The following ZNRF1 variants were observed in gnomAD, a reference collection of about 807,000 sequenced individuals.
ZNRF1 encodes the protein E3 ubiquitin-protein ligase ZNRF1.
ZNRF1 carries 3 observed loss-of-function variants against 18.4 expected under a neutral mutation model. The ratio of observed to expected loss-of-function variants is 0.16; its 90% CI spans 0.07 to 0.42. The LOEUF (loss-of-function observed/expected upper bound fraction) is 0.42, where lower values mean the gene tolerates loss of function less well. Ranked by LOEUF, ZNRF1 falls within the 10% of genes least tolerant of loss-of-function variation. The pLI, the probability that ZNRF1 is intolerant of heterozygous loss-of-function variation, is 0.99. For missense variants in ZNRF1, 310 were observed against 329.8 expected (o/e 0.94, Z 0.47); for synonymous variants, 157 against 144.2 (o/e 1.09, Z -0.64).
At chr16:75,090,070 C>T (rs2036117872) in intron 1 of ZNRF1, among the ~76,000 whole-genome samples, 1 of 152,222 alleles carries the variant, frequency 6.6e-6, no homozygotes, top group South Asian at 2.1e-4. Context: ...CCTCAGCCTG[C>T]AGGCAGGTGC....
Position 74,999,099 on chromosome 16 carries a change from G to C in ZNRF1, c.-573G>C, listed in dbSNP as rs545098079. On this transcript the variant is annotated 5_prime_UTR_variant, in exon 1 of 5. Coordinates refer to ENST00000335325, the MANE Select transcript of ZNRF1 (RefSeq NM_032268.5). ...CGGGGCGGCGCGGCTGGCGGGGCCG[G>C]CGGCGGCTGAAGCGAGAGCGCGACG... is the stretch of plus-strand genomic sequence containing the variant. 1 of 148,808 alleles carries C rather than the reference G, an allele frequency of 6.7e-6. No individual in the cohort carries two copies. Among genetic ancestry groups the C allele is most frequent in the East Asian group, 2.0e-4 (1 of 5,102 alleles). The allele number at this position is 148,808 out of a possible 1,614,324, so 9.2% of individuals were successfully genotyped here. A position where few individuals can be genotyped will look rare whatever the true frequency, so the allele number is the denominator to read the frequency against.
intron 1 of ZNRF1, among the ~76,000 whole-genome samples, chr16:75,053,505 C>T (rs2035631045): frequency 6.7e-6 from 1 of 149,110 alleles, no homozygotes; most frequent in Non-Finnish European, 1.5e-5. Context: ...AGGAGAATCG[C>T]TTGAACCTGG....
intron 1 of ZNRF1, chr16:75,000,437 C>T (rs1201459579): frequency 4.8e-5 from 23 of 478,484 alleles, no homozygotes; most frequent in Non-Finnish European, 7.3e-5. Flanking sequence ...CATTCTGCCA[C>T]TGCAGCACTG....
chr16:75,070,684 A>G (rs1567485877), intron 1 of ZNRF1, among the ~76,000 whole-genome samples: 1 of 151,540 alleles, frequency 6.6e-6, no homozygotes, highest in Non-Finnish European at 1.5e-5. Context: ...ACCCCTTCCC[A>G]GTTGCAGCTC....
chr16:75,030,230 T>C (rs1465531017), intron 1 of ZNRF1, among the ~76,000 whole-genome samples: 2 of 152,100 alleles, frequency 1.3e-5, no homozygotes, highest in Non-Finnish European at 2.9e-5. Flanking sequence ...GCATCTATGG[T>C]CAACTGATTT....
At chr16:75,006,981 G>T (rs934859247) in intron 1 of ZNRF1, among the ~76,000 whole-genome samples, 2 of 152,094 alleles carry the variant, frequency 1.3e-5, no homozygotes, top group Admixed American at 6.5e-5. Flanking sequence ...ATGGATGAAG[G>T]ATGAGTTGTG....
At position 75,086,227 on chromosome 16, in the gene ZNRF1, A is replaced by G. The variant is rs186295780; in HGVS notation, c.425-7345A>G. Among the ~76,000 whole-genome samples, 9 of 152,236 alleles carry G rather than the reference A, an allele frequency of 5.9e-5. No individual in the cohort carries two copies. In the East Asian group the frequency reaches 1.7e-3, roughly 29 times the overall value. The stretch of plus-strand genomic sequence containing the variant: ...CACCAAAAATAATGTTGAGCCAAAT[A>G]ATCTGGGCACCCCATGGCCCAGTCA... On this transcript the variant is annotated intron_variant, in intron 1 of 4. Transcript: ENST00000335325.
chr16:75,095,714 CAG>C (rs574075940), intron 2 of ZNRF1: 24 of 1,547,532 alleles, frequency 1.6e-5, no homozygotes, highest in South Asian at 2.4e-5. Flanking sequence ...GGCCCAAATG[CAG>C]AGTTACCCCC....
intron 1 of ZNRF1, among the ~76,000 whole-genome samples, chr16:75,036,392 A>G (rs2035376263): frequency 6.6e-6 from 1 of 152,198 alleles, no homozygotes; most frequent in African/African-American, 2.4e-5. Context: ...CAGCCTCCCA[A>G]AGTGCTGAGA....
chr16:75,038,328 C>T (rs2035400061), intron 1 of ZNRF1, among the ~76,000 whole-genome samples: 1 of 152,128 alleles, frequency 6.6e-6, no homozygotes, highest in African/African-American at 2.4e-5. Flanking sequence ...GATGAGGAGG[C>T]AAAGCCTTCT....
intron 1 of ZNRF1, among the ~76,000 whole-genome samples, chr16:75,067,326 C>G (rs1354577397): frequency 6.6e-6 from 1 of 152,186 alleles, no homozygotes; most frequent in African/African-American, 2.4e-5. Context: ...GTGGGAAGGT[C>G]ACTCTAGGTA....
chr16:75,061,132 C>T (rs2035738971), intron 1 of ZNRF1, among the ~76,000 whole-genome samples: 2 of 152,196 alleles, frequency 1.3e-5, no homozygotes, highest in African/African-American at 4.8e-5. Flanking sequence ...TCCATCCCCT[C>T]AAGCATTTAT....
chr16:75,006,190 G>A (rs774263241), intron 1 of ZNRF1, among the ~76,000 whole-genome samples: 1 of 152,126 alleles, frequency 6.6e-6, no homozygotes, highest in Admixed American at 6.6e-5. Flanking sequence ...CTGAAACTAT[G>A]GAAAGTGAAG....
chr16:75,033,688 C>T (rs958890532), intron 1 of ZNRF1, among the ~76,000 whole-genome samples: 17 of 152,110 alleles, frequency 1.1e-4, no homozygotes, highest in Admixed American at 5.9e-4. Context: ...CTGTTTCCCT[C>T]GGCCTCCCAA....
chr16:75,093,546 T>C (rs2036165541), intron 1 of ZNRF1, 26 bp from the exon 2 acceptor site: 6 of 1,579,658 alleles, frequency 3.8e-6, no homozygotes, highest in Non-Finnish European at 3.5e-6. Context: ...GGAGAAAACA[T>C]TTCATCCCAT....
intron 1 of ZNRF1, among the ~76,000 whole-genome samples, chr16:75,025,031 A>G (rs1045639376): frequency 1.3e-5 from 2 of 152,142 alleles, no homozygotes; most frequent in East Asian, 1.9e-4. Context: ...ATGTTGTTCC[A>G]TGTACATGTG....
At chr16:75,075,041 C>T (rs1231293666) in intron 1 of ZNRF1, among the ~76,000 whole-genome samples, 1 of 151,824 alleles carries the variant, frequency 6.6e-6, no homozygotes, top group Non-Finnish European at 1.5e-5. Flanking sequence ...GGGTCATAAG[C>T]CCAGGTCACC....
At chr16:75,060,347 G>A (rs1643315990) in intron 1 of ZNRF1, among the ~76,000 whole-genome samples, 1 of 151,970 alleles carries the variant, frequency 6.6e-6, no homozygotes, top group African/African-American at 2.4e-5. Context: ...CATTGCACCC[G>A]GCCGACAGTT....
intron 1 of ZNRF1, among the ~76,000 whole-genome samples, chr16:75,046,143 A>G (rs905535541): frequency 1.3e-5 from 2 of 151,976 alleles, no homozygotes; most frequent in African/African-American, 4.8e-5. Flanking sequence ...ACCTCAGGTG[A>G]TCTGCCTGCC....
Sources: allele counts gnomAD v4.1 joint callset (sites outside exome capture counted in the v4.1 genomes callset), GRCh38; gene constraint gnomAD v4.1.1; transcripts MANE v1.5; gene names NCBI Gene and HGNC (gene_info 2026-07-23, HGNC 2026-07-21).